Variants in ZDHHC13 observed in about 807,000 individuals in gnomAD.
ZDHHC13 encodes palmitoyltransferase ZDHHC13.
A neutral mutation model predicts 86.0 loss-of-function variants in ZDHHC13; 85 were observed. The ratio of observed to expected loss-of-function variants is 0.99; its 90% CI spans 0.83 to 1.18. The LOEUF is 1.18. ZDHHC13 is among the 50% of genes most tolerant of loss of function. The pLI, the probability that ZDHHC13 is intolerant of heterozygous loss-of-function variation, is 0.00. For synonymous variants in ZDHHC13, 263 were observed against 246.4 expected (o/e 1.07, Z -0.63); for missense variants, 711 against 730.2 (o/e 0.97, Z 0.30).
At chr11:19,138,185 AAG>A (rs1375720585) in intron 1 of ZDHHC13, among the ~76,000 whole-genome samples, 4 of 151,312 alleles carry the variant, frequency 2.6e-5, no homozygotes, top group South Asian at 4.1e-4. Context: ...TAAAGAAAAA[AAG>A]AGAGAAGAAT....
At position 19,169,555 on chromosome 11, in the gene ZDHHC13, C is replaced by T. The variant is rs1850162334; in HGVS notation, c.1475-856C>T. ...AAACTGTTTATCAAATTGTCAGAGG[C>T]ATTTATGAAACCTCAAGGTGCAAAT... On this transcript the variant is annotated intron_variant, in intron 14 of 16. Coordinates refer to ENST00000446113, the MANE Select transcript of ZDHHC13 (RefSeq NM_019028.3). 5.1e-6 allele frequency: 5 copies of T among 985,302 alleles called. No individual in the cohort carries two copies. In the African/African-American group the frequency reaches 8.7e-5, roughly 17 times the overall value. The allele number at this position is 985,302 out of a possible 1,614,324, so 61.0% of individuals were successfully genotyped here. A position where few individuals can be genotyped will look rare whatever the true frequency, so the allele number is the denominator to read the frequency against.
At chr11:19,122,198 T>G (rs576885035) in intron 1 of ZDHHC13, among the ~76,000 whole-genome samples, 129 of 152,340 alleles carry the variant, frequency 8.5e-4, no homozygotes, top group Non-Finnish European at 1.4e-3. Flanking sequence ...TATTTCTAAA[T>G]TATATTCATT....
At chr11:19,144,432 AGTGTGTGTGTGT>A (rs142248923) in intron 2 of ZDHHC13, among the ~76,000 whole-genome samples, 27 of 143,172 alleles carry the variant, frequency 1.9e-4, no homozygotes, top group Admixed American at 3.5e-4. Context: ...AGAGCTATGG[AGTGTGTGTGTGT>A]GTGTGTGTGT....
At chr11:19,121,213 C>G (rs527573913) in intron 1 of ZDHHC13, among the ~76,000 whole-genome samples, 1 of 152,306 alleles carries the variant, frequency 6.6e-6, no homozygotes, top group African/African-American at 2.4e-5. Flanking sequence ...TGTCAGGGCT[C>G]CTGATGCAGT....
intron 1 of ZDHHC13, among the ~76,000 whole-genome samples, chr11:19,128,568 A>T (rs1848925068): frequency 6.6e-6 from 1 of 152,188 alleles, no homozygotes; most frequent in East Asian, 1.9e-4. Context: ...ATATTTAAAA[A>T]CTGTCTTTTA....
At chr11:19,147,575 A>G in intron 3 of ZDHHC13, 21 bp from the exon 4 acceptor site, 1 of 1,568,034 alleles carries the variant, frequency 6.4e-7, no homozygotes, top group Non-Finnish European at 8.7e-7. Context: ...TCTTACTTTC[A>G]TTTGTGTCTG....
intron 8 of ZDHHC13, among the ~76,000 whole-genome samples, chr11:19,154,122 A>C (rs1849692851): frequency 6.6e-6 from 1 of 152,178 alleles, no homozygotes; most frequent in South Asian, 2.1e-4. Flanking sequence ...GTTTTTATAT[A>C]CTATAAAATT....
In ZDHHC13 at chr11:19,129,871, T is replaced by A. The variant is rs564280492; in HGVS notation, c.27+12595T>A. Among the ~76,000 whole-genome samples, 1,041 of 152,152 alleles carry A rather than the reference T, an allele frequency of 6.8e-3. 7 individuals carry two copies. The highest frequency in any genetic ancestry group is 0.024 in the African/African-American group (982 of 41,496). ...ACTTTGGGAGGCCGAGGCGGGTGGA[T>A]CATGAGGTCAGGAGATCGAGACCAT... On this transcript the variant is annotated intron_variant, in intron 1 of 16. Coordinates refer to ENST00000446113, the MANE Select transcript of ZDHHC13 (RefSeq NM_019028.3).
chr11:19,176,092 TA>T lies in ZDHHC13; in HGVS notation c.*139del. 5 of 1,021,194 alleles carry T rather than the reference TA, an allele frequency of 4.9e-6. No individual in the cohort carries two copies. Among genetic ancestry groups the T allele is most frequent in the Non-Finnish European group, 5.3e-6 (4 of 752,576 alleles). 63.3% of individuals were successfully genotyped at this position (1,021,194 alleles called of 1,614,324 possible). On this transcript the variant is annotated 3_prime_UTR_variant, in exon 17 of 17. Transcript: ENST00000446113. ...ACACGTGGTTTTTAAAGCCATTAGG[TA>T]AAAAAAGTTCTCAATAAAGGCATTA...
intron 5 of ZDHHC13, 49 bp downstream of exon 5, chr11:19,149,380 G>T (rs962868613): frequency 2.1e-6 from 3 of 1,423,898 alleles, no homozygotes; most frequent in Non-Finnish European, 1.9e-6. Context: ...ATCTGAAGAG[G>T]TTGGGGAAAT....
intron 16 of ZDHHC13, among the ~76,000 whole-genome samples, chr11:19,173,881 G>C (rs191794132): frequency 7.9e-5 from 12 of 152,274 alleles, no homozygotes; most frequent in Admixed American, 1.3e-4. Context: ...CCCTAGAGAA[G>C]AGTCTGAATA....
Position 19,156,722 on chromosome 11 carries a change from C to T in ZDHHC13, c.1007+793C>T, listed in dbSNP as rs79577305. 6.8e-3 allele frequency among the ~76,000 whole-genome samples: 1,037 copies of T among 152,220 alleles called. 9 individuals are homozygous for T. Among genetic ancestry groups the T allele is most frequent in the African/African-American group, 0.024 (979 of 41,504 alleles). On this transcript the variant is annotated intron_variant, in intron 9 of 16. Transcript: ENST00000446113. ...TCACCTCCCACGTCCAACCCATTAC[C>T]AAGTGTTCCCTACCTGCCTGTCTCC...
chr11:19,164,254 C>T (rs745340547), intron 11 of ZDHHC13, 47 bp from the exon 12 acceptor site: 9 of 1,590,388 alleles, frequency 5.7e-6, no homozygotes, highest in South Asian at 5.6e-5. Flanking sequence ...ATGCATAATA[C>T]ATTTTCCAAT....
intron 9 of ZDHHC13, among the ~76,000 whole-genome samples, chr11:19,158,555 G>A (rs1849820707): frequency 6.6e-6 from 1 of 152,030 alleles, no homozygotes; most frequent in South Asian, 2.1e-4. Flanking sequence ...TGAATCTCAA[G>A]TATATAAATT....
At chr11:19,143,476 A>G (rs998067007) in intron 2 of ZDHHC13, among the ~76,000 whole-genome samples, 1 of 152,238 alleles carries the variant, frequency 6.6e-6, no homozygotes, top group Admixed American at 6.5e-5. Context: ...TATTTGAAAC[A>G]CAAATCTAAG....
At chr11:19,141,675 CTTT>C (rs34963467) in intron 1 of ZDHHC13, among the ~76,000 whole-genome samples, 2 of 140,386 alleles carry the variant, frequency 1.4e-5, no homozygotes, top group African/African-American at 2.6e-5. Flanking sequence ...TTTTTGTGGG[CTTT>C]TTTTTTTTTT....
intron 14 of ZDHHC13, chr11:19,169,353 A>G (rs1850157400): frequency 1.0e-5 from 10 of 985,440 alleles, no homozygotes; most frequent in African/African-American, 3.5e-5. Context: ...CTACTCTGTG[A>G]TGATTGCTCT....
rs1345084817 is a variant in ZDHHC13, at chr11:19,140,397, C to A, written c.28-2581C>A. On this transcript the variant is annotated intron_variant, in intron 1 of 16. Coordinates refer to ENST00000446113, the MANE Select transcript of ZDHHC13 (RefSeq NM_019028.3). ...TCTCACACCAGTTAGAATGGCAATCCTTAAAAAGTCAGGAAACAACAGGTG... is the reference window on the plus strand; with the variant it reads ...TCTCACACCAGTTAGAATGGCAATCATTAAAAAGTCAGGAAACAACAGGTG... Among the ~76,000 whole-genome samples, 890 of 151,736 alleles carry A rather than the reference C, an allele frequency of 5.9e-3. 6 individuals carry two copies. Among genetic ancestry groups the A allele is most frequent in the African/African-American group, 0.019 (798 of 41,174 alleles).
chr11:19,132,430 C>T (rs578237314), intron 1 of ZDHHC13, among the ~76,000 whole-genome samples: 101 of 152,320 alleles, frequency 6.6e-4, no homozygotes, highest in African/African-American at 2.2e-3. Context: ...CTTCCTGCTA[C>T]GTATAAACTC....
Sources: allele counts gnomAD v4.1 joint callset (sites outside exome capture counted in the v4.1 genomes callset), GRCh38; gene constraint gnomAD v4.1.1; transcripts MANE v1.5; gene names NCBI Gene and HGNC (gene_info 2026-07-23, HGNC 2026-07-21).